The following PALM2AKAP2 variants were observed in gnomAD, a reference collection of about 807,000 sequenced individuals.
PALM2AKAP2 encodes the protein PALM2-AKAP2 fusion protein.
A neutral mutation model predicts 71.5 loss-of-function variants in PALM2AKAP2; 37 were observed. The observed-to-expected ratio is 0.52, with a 90% CI of 0.40 to 0.68. PALM2AKAP2 has a LOEUF of 0.68. PALM2AKAP2 is among the 30% of genes least tolerant of loss of function. The pLI is 0.00. For synonymous variants in PALM2AKAP2, 468 were observed against 478.8 expected (o/e 0.98, Z 0.29); for missense variants, 1,224 against 1,191.8 (o/e 1.03, Z -0.40).
intron 1 of PALM2AKAP2, among the ~76,000 whole-genome samples, chr9:109,800,084 A>T (rs10816875): frequency 1.3e-5 from 2 of 152,040 alleles, no homozygotes; most frequent in Non-Finnish European, 2.9e-5. Flanking sequence ...GGAGAGATTG[A>T]TGGGCAGAAA....
chr9:109,989,039 A>G (rs577529910), intron 6 of PALM2AKAP2, among the ~76,000 whole-genome samples: 117 of 152,316 alleles, frequency 7.7e-4, no homozygotes, highest in Non-Finnish European at 1.1e-3. Flanking sequence ...AAGTGGAACT[A>G]TGAGTCCATT....
In PALM2AKAP2 at chr9:109,850,116, G is replaced by A. The variant is rs1406015041; in HGVS notation, c.46-17375G>A. Among the ~76,000 whole-genome samples the A allele has an allele frequency of 1.9e-4, 29 of 152,244 alleles. No individual in the cohort carries two copies. The East Asian group carries it at 5.6e-3, about 29-fold the overall frequency. ...TTGTCATCAGCCACTGAGCAAGACC[G>A]AATAAGGGATCTCGTGAGGCTTTGG... On this transcript the variant is annotated intron_variant, in intron 1 of 9. Transcript: ENST00000302798.
chr9:109,941,122 CTCT>C (rs959605302), intron 6 of PALM2AKAP2, among the ~76,000 whole-genome samples: 7 of 144,610 alleles, frequency 4.8e-5, no homozygotes, highest in African/African-American at 7.7e-5. Context: ...CCTTCCCCTT[CTCT>C]TCTTCTTCTT....
At chr9:110,161,879 TA>T (rs1466957729) in intron 3 of PALM2AKAP2, among the ~76,000 whole-genome samples, 2 of 151,916 alleles carry the variant, frequency 1.3e-5, no homozygotes, top group African/African-American at 4.8e-5. Context: ...CTGATATTTT[TA>T]TTAGTGAACA....
At chr9:110,103,182 C>T (rs964713904) in intron 1 of PALM2AKAP2, among the ~76,000 whole-genome samples, 1 of 152,158 alleles carries the variant, frequency 6.6e-6, no homozygotes, top group Non-Finnish European at 1.5e-5. Context: ...TGCAATTTTA[C>T]GTTTGTTCGT....
chr9:110,135,624 A>G (rs975302243), intron 1 of PALM2AKAP2, among the ~76,000 whole-genome samples: 1 of 152,186 alleles, frequency 6.6e-6, no homozygotes, highest in Non-Finnish European at 1.5e-5. Flanking sequence ...GCAGTGAGGC[A>G]CTGTAGCCTG....
intron 1 of PALM2AKAP2, among the ~76,000 whole-genome samples, chr9:109,782,674 A>G (rs552668571): frequency 5.9e-5 from 9 of 152,116 alleles, no homozygotes; most frequent in South Asian, 2.1e-4. Flanking sequence ...CCTGAAACCA[A>G]TTCTCTGAGG....
exon 4 of PALM2AKAP2, chr9:110,168,667 G>C: frequency 1.6e-5 from 13 of 794,374 alleles, no homozygotes; most frequent in South Asian, 2.2e-5. Context: ...CGAAAAGGAA[G>C]TCCCCCCATC....
intron 1 of PALM2AKAP2, among the ~76,000 whole-genome samples, chr9:109,694,061 G>A (rs1309857571): frequency 1.3e-5 from 2 of 151,880 alleles, no homozygotes; most frequent in African/African-American, 4.8e-5. Context: ...CAATTGGAAT[G>A]TATACTCTGT....
chr9:109,846,179 GTTC>G (rs1828849699), intron 1 of PALM2AKAP2, among the ~76,000 whole-genome samples: 1 of 152,100 alleles, frequency 6.6e-6, no homozygotes, highest in African/African-American at 2.4e-5. Flanking sequence ...TGTCCCCCGA[GTTC>G]TTCTGATGTC....
intron 1 of PALM2AKAP2, among the ~76,000 whole-genome samples, chr9:109,749,953 C>G (rs1828860193): frequency 1.3e-5 from 2 of 152,210 alleles, no homozygotes; most frequent in Admixed American, 6.5e-5. Flanking sequence ...AGAACCTAAA[C>G]AGCTCTGGGC....
chr9:109,729,503 C>T lies in PALM2AKAP2; in HGVS notation c.6-50985C>T, dbSNP rs1828523956. Among the ~76,000 whole-genome samples, 3 of 152,114 alleles carry T rather than the reference C, an allele frequency of 2.0e-5. No homozygotes were observed. In the South Asian group the frequency reaches 6.2e-4, roughly 31 times the overall value. ...TTTGAGCAAATCACTCAACTTTCCT[C>T]GATTCCTGTTTCCTCACCAGTTGAT... On this transcript the variant is annotated intron_variant, in intron 1 of 6. Transcript: ENST00000374531.
chr9:110,119,304 C>T (rs544167924), intron 1 of PALM2AKAP2, among the ~76,000 whole-genome samples: 1 of 139,930 alleles, frequency 7.1e-6, no homozygotes, highest in East Asian at 2.0e-4. Context: ...GATCATGCCA[C>T]TGCACTCCAG....
At chr9:110,113,813 G>A (rs992613158) in intron 1 of PALM2AKAP2, among the ~76,000 whole-genome samples, 9 of 152,264 alleles carry the variant, frequency 5.9e-5, no homozygotes, top group East Asian at 1.9e-4. Flanking sequence ...GATTACAGAC[G>A]TGAGCCACCA....
intron 1 of PALM2AKAP2, among the ~76,000 whole-genome samples, chr9:109,726,911 C>T (rs1828486085): frequency 6.6e-6 from 1 of 152,178 alleles, no homozygotes; most frequent in South Asian, 2.1e-4. Flanking sequence ...CCAAACCGGA[C>T]AGTGAGATTT....
At chr9:109,873,261 G>A (rs1005013033) in intron 2 of PALM2AKAP2, among the ~76,000 whole-genome samples, 2 of 152,064 alleles carry the variant, frequency 1.3e-5, no homozygotes, top group African/African-American at 4.8e-5. Context: ...TCAGGAGTTC[G>A]AGACCAGCCT....
At chr9:110,046,965 C>T (rs182015731), upstream of PALM2AKAP2, among the ~76,000 whole-genome samples, 54 of 152,148 alleles carry the variant, frequency 3.5e-4, no homozygotes, top group African/African-American at 1.2e-3. Context: ...TCCAAGCACA[C>T]TCATTTTAAT....
chr9:109,743,348 T>A (rs1166162736), intron 1 of PALM2AKAP2, among the ~76,000 whole-genome samples: 1 of 152,060 alleles, frequency 6.6e-6, no homozygotes. Context: ...TCTCAAAGAA[T>A]CAGACAATGA....
chr9:109,826,281 G>A (rs954852199), intron 1 of PALM2AKAP2, among the ~76,000 whole-genome samples: 14 of 152,032 alleles, frequency 9.2e-5, no homozygotes, highest in Admixed American at 7.2e-4. Context: ...GAGTTACTGG[G>A]TGCAGCACAC....
Sources: allele counts gnomAD v4.1 joint callset (sites outside exome capture counted in the v4.1 genomes callset), GRCh38; gene constraint gnomAD v4.1.1; transcripts MANE v1.5; gene names NCBI Gene and HGNC (gene_info 2026-07-23, HGNC 2026-07-21).